Variants in SGIP1 observed in about 807,000 individuals in gnomAD.
SGIP1 encodes the protein SH3-containing GRB2-like protein 3-interacting protein 1.
In SGIP1, 38 loss-of-function variants were observed where a neutral mutation model predicts 107.5. That is an observed-to-expected ratio of 0.35 (90% CI 0.27 to 0.46). The LOEUF (loss-of-function observed/expected upper bound fraction) is 0.46, where lower values mean the gene tolerates loss of function less well. Ranked by LOEUF, SGIP1 falls within the 20% of genes least tolerant of loss-of-function variation. The pLI is 1.00. For synonymous variants in SGIP1, 365 were observed against 366.1 expected, an observed-to-expected ratio of 1.00 and a Z score of 0.03; for missense variants, 929 against 1,019.5, an observed-to-expected ratio of 0.91 and a Z score of 1.21.
At chr1:66,606,496 A>T (rs368426033) in intron 1 of SGIP1, among the ~76,000 whole-genome samples, 1 of 152,214 alleles carries the variant, frequency 6.6e-6, no homozygotes, top group Non-Finnish European at 1.5e-5. Flanking sequence ...GAACAGATGG[A>T]TGACTAGACC....
intron 1 of SGIP1, among the ~76,000 whole-genome samples, chr1:66,548,876 A>G (rs1173946039): frequency 6.6e-6 from 1 of 152,204 alleles, no homozygotes; most frequent in Non-Finnish European, 1.5e-5. Context: ...TGCAGGTGCC[A>G]AAACTTACTA....
chr1:66,722,493 A>G (rs367628891), intron 19 of SGIP1, among the ~76,000 whole-genome samples: 1 of 152,214 alleles, frequency 6.6e-6, no homozygotes, highest in African/African-American at 2.4e-5. Flanking sequence ...TCAGCTAAAC[A>G]GGACAAGGCA....
intron 18 of SGIP1, among the ~76,000 whole-genome samples, chr1:66,715,621 C>G (rs2093193968): frequency 6.6e-6 from 1 of 152,050 alleles, no homozygotes; most frequent in Non-Finnish European, 1.5e-5. Flanking sequence ...AGCACACAAG[C>G]AAACAAAAAG....
chr1:66,682,355 C>T lies in SGIP1; in HGVS notation c.1301C>T (p.Pro434Leu), dbSNP rs139418191. The T allele has an allele frequency of 3.9e-5, 63 of 1,610,876 alleles. No individual in the cohort carries two copies. Among genetic ancestry groups the T allele is most frequent in the Non-Finnish European group, 4.8e-5 (57 of 1,179,138 alleles). ...SSPGPGSGPG[P>L]GTTSGASSPA... Reference sequence around the variant, plus strand: ...CCCGGACCTGGCTCGGGCCCTGGTCCGGGGACCACCAGTGGTATGTCTTAT... The same window carrying T: ...CCCGGACCTGGCTCGGGCCCTGGTCTGGGGACCACCAGTGGTATGTCTTAT... The change falls in exon 15 of 25, where the codon CCG becomes CTG. Residue 434 changes from proline (P) to leucine (L), a missense_variant. Physicochemically the swap from Pro to Leu is moderately conservative, Grantham distance 98. Transcript: ENST00000371037.
rs958518761 is a variant in SGIP1 at position 66,749,420 on chromosome 1, CTT to C, written c.*6328_*6329del. Reference sequence around the variant, plus strand: ...CACAGATTTTGTGAGATTCTATACTCTTTTAATGAGCATTTCATAGGGTTTTT... The same window carrying C: ...CACAGATTTTGTGAGATTCTATACTCTTAATGAGCATTTCATAGGGTTTTT... On this transcript the variant is annotated 3_prime_UTR_variant, in exon 25 of 25. Transcript: ENST00000371037. 5.3e-5 allele frequency among the ~76,000 whole-genome samples: 8 copies of C among 149,784 alleles called. No individual in the cohort carries two copies. The highest frequency in any genetic ancestry group is 1.7e-4 in the African/African-American group (7 of 40,722).
At chr1:66,553,449 G>C (rs1240801618) in intron 1 of SGIP1, among the ~76,000 whole-genome samples, 1 of 152,034 alleles carries the variant, frequency 6.6e-6, no homozygotes, top group Non-Finnish European at 1.5e-5. Flanking sequence ...GCCAAGGTGG[G>C]TGGATCATTT....
At chr1:66,719,162 C>T (rs560607541) in intron 18 of SGIP1, 132 bp from the exon 19 acceptor site, 14 of 561,792 alleles carry the variant, frequency 2.5e-5, no homozygotes, top group African/African-American at 1.7e-4. Context: ...TACAGAGTTA[C>T]GGTTCTTAGC....
chr1:66,731,389 G>C (rs2094002680), intron 20 of SGIP1, among the ~76,000 whole-genome samples: 2 of 152,230 alleles, frequency 1.3e-5, no homozygotes, highest in South Asian at 4.2e-4. Flanking sequence ...TTTTTAGGCA[G>C]TTATGTTGCC....
chr1:66,663,275 T>C (rs533595828), intron 8 of SGIP1, among the ~76,000 whole-genome samples: 11 of 152,076 alleles, frequency 7.2e-5, no homozygotes, highest in African/African-American at 2.6e-4. Flanking sequence ...ACTCTGGACA[T>C]AGATCTCTCA....
intron 1 of SGIP1, among the ~76,000 whole-genome samples, chr1:66,583,142 A>G (rs1270976682): frequency 6.6e-6 from 1 of 152,126 alleles, no homozygotes; most frequent in Non-Finnish European, 1.5e-5. Context: ...AGATATGTCT[A>G]TGCTATATAA....
intron 8 of SGIP1, chr1:66,665,846 A>G (rs892873974): frequency 2.0e-5 from 3 of 152,134 alleles, no homozygotes; most frequent in African/African-American, 7.2e-5. Context: ...AATTTGTGTA[A>G]GTTCTTTGTA....
chr1:66,555,020 C>T (rs2057983631), intron 1 of SGIP1, among the ~76,000 whole-genome samples: 1 of 152,098 alleles, frequency 6.6e-6, no homozygotes, highest in African/African-American at 2.4e-5. Flanking sequence ...CTTCTTTCTC[C>T]TTTATCTCAT....
chr1:66,581,570 T>C (rs1013838735), intron 1 of SGIP1, among the ~76,000 whole-genome samples: 2 of 152,052 alleles, frequency 1.3e-5, no homozygotes, highest in Non-Finnish European at 2.9e-5. Context: ...AAGAATTATT[T>C]ATGATTAAAT....
At chr1:66,541,672 T>C (rs997745761) in intron 1 of SGIP1, among the ~76,000 whole-genome samples, 9 of 152,326 alleles carry the variant, frequency 5.9e-5, no homozygotes, top group African/African-American at 1.7e-4. Context: ...GGACTAGTGG[T>C]TTAGGATTTT....
chr1:66,652,241 G>A (rs2078903127), intron 7 of SGIP1, among the ~76,000 whole-genome samples: 1 of 149,890 alleles, frequency 6.7e-6, no homozygotes, highest in African/African-American at 2.5e-5. Flanking sequence ...GTTCAGTGCT[G>A]TCTCCCAGAA....
chr1:66,740,750 T>A, intron 23 of SGIP1, 28 bp downstream of exon 23: 1 of 1,508,790 alleles, frequency 6.6e-7, no homozygotes, highest in Non-Finnish European at 9.2e-7. Flanking sequence ...TTATTTTATT[T>A]AACATGTAAA....
intron 1 of SGIP1, chr1:66,616,034 A>G (rs571490670): frequency 6.6e-6 from 1 of 152,368 alleles, no homozygotes; most frequent in East Asian, 1.9e-4. Flanking sequence ...CAACTGATCA[A>G]TTGAAGTTTG....
chr1:66,656,460 G>GCAGCA (rs2079800330), intron 7 of SGIP1, among the ~76,000 whole-genome samples: 1 of 152,168 alleles, frequency 6.6e-6, no homozygotes, highest in Admixed American at 6.6e-5. Context: ...TAATAATACA[G>GCAGCA]CAGCACAGGC....
intron 1 of SGIP1, among the ~76,000 whole-genome samples, chr1:66,602,869 G>A (rs1023592157): frequency 5.3e-5 from 8 of 152,040 alleles, no homozygotes; most frequent in African/African-American, 1.9e-4. Context: ...CTAGAACTTA[G>A]GAAGAATATT....
Sources: allele counts gnomAD v4.1 joint callset (sites outside exome capture counted in the v4.1 genomes callset), GRCh38; gene constraint gnomAD v4.1.1; transcripts MANE v1.5; gene names NCBI Gene and HGNC (gene_info 2026-07-23, HGNC 2026-07-21).